TMEM131: variants seen among roughly 807,000 people sequenced by gnomAD.
The protein encoded by TMEM131 is 2610524E03Rik.
In TMEM131, 66 loss-of-function variants were observed where a neutral mutation model predicts 211.6. The observed-to-expected ratio is 0.31, with a 90% CI of 0.26 to 0.38. The LOEUF is 0.38. Ranked by LOEUF, TMEM131 falls within the 10% of genes least tolerant of loss-of-function variation. TMEM131 has a pLI of 1.00. For missense variants in TMEM131, 2,036 were observed against 2,299.3 expected, an observed-to-expected ratio of 0.89 and a Z score of 2.34; for synonymous variants, 844 against 841.3, an observed-to-expected ratio of 1.00 and a Z score of -0.06.
At chr2:97,903,408 G>T (rs1675937969) in intron 3 of TMEM131, among the ~76,000 whole-genome samples, 1 of 152,108 alleles carries the variant, frequency 6.6e-6, no homozygotes, top group Non-Finnish European at 1.5e-5. Context: ...AGAATTTTTA[G>T]AAAACCCAGC....
chr2:97,877,109 T>C (rs1309719457), intron 4 of TMEM131, among the ~76,000 whole-genome samples: 1 of 152,092 alleles, frequency 6.6e-6, no homozygotes, highest in East Asian at 1.9e-4. Flanking sequence ...TCACAATTGC[T>C]ACGAAGAGAA....
At chr2:97,826,310 C>T (rs1682378241) in intron 11 of TMEM131, among the ~76,000 whole-genome samples, 1 of 152,198 alleles carries the variant, frequency 6.6e-6, no homozygotes, top group South Asian at 2.1e-4. Flanking sequence ...TGTGTGTATA[C>T]AGATAGCAAG....
chr2:97,805,251 A>G (rs1389134136), intron 21 of TMEM131, 46 bp from the exon 22 acceptor site: 1 of 1,579,856 alleles, frequency 6.3e-7, no homozygotes, highest in Non-Finnish European at 8.6e-7. Context: ...CTCACTTGTC[A>G]ATTTTCCTTC....
At chr2:97,847,049 C>T (rs956746526) in intron 5 of TMEM131, among the ~76,000 whole-genome samples, 6 of 94,748 alleles carry the variant, frequency 6.3e-5, no homozygotes, top group South Asian at 3.7e-4. Flanking sequence ...TGTGATGGCG[C>T]GTGCCTGTAG....
In TMEM131 at chr2:97,766,240, T is replaced by C. The variant is rs1679159471; in HGVS notation, c.4597A>G (p.Arg1533Gly). The change falls in exon 35 of 41, where the codon AGA (arginine) becomes GGA (glycine). Residue 1533 changes from arginine (R) to glycine (G), a missense_variant. By Grantham distance (125) the Arg-to-Gly change is moderately radical (BLOSUM62 -2). Around this residue, in one of 3 missense-constraint regions of TMEM131, gnomAD observed 1,623 missense variants for 1,805.9 expected, o/e 0.90. Coordinates refer to ENST00000186436, the MANE Select transcript of TMEM131 (RefSeq NM_015348.2). ...AGGAATTTTGCTAGGGCAGGTGGTC[T>C]GTTATCCACTAACTTACTTGTACCT... ...TKGTSKLVDN[R>G]PPALAKFLPN... 2.5e-6 allele frequency: 4 copies of C among 1,613,964 alleles called. No homozygotes were observed. Among genetic ancestry groups the C allele is most frequent in the Non-Finnish European group, 2.5e-6 (3 of 1,179,914 alleles).
intron 31 of TMEM131, among the ~76,000 whole-genome samples, chr2:97,780,028 C>T (rs1317316680): frequency 6.6e-6 from 1 of 150,892 alleles, no homozygotes; most frequent in Non-Finnish European, 1.5e-5. Flanking sequence ...TCCAAAAAAA[C>T]AAAAACAAAA....
chr2:97,865,497 T>C (rs992664966), intron 4 of TMEM131, among the ~76,000 whole-genome samples: 1 of 152,228 alleles, frequency 6.6e-6, no homozygotes. Flanking sequence ...TGAAAGGATG[T>C]TATTATCTCA....
intron 1 of TMEM131, among the ~76,000 whole-genome samples, chr2:97,975,443 A>C (rs537264924): frequency 3.3e-5 from 5 of 152,306 alleles, no homozygotes; most frequent in African/African-American, 9.6e-5. Flanking sequence ...GAGAAGTGTC[A>C]TCATTACAGT....
chr2:97,962,503 CA>C (rs988681411), intron 1 of TMEM131, among the ~76,000 whole-genome samples: 1 of 150,282 alleles, frequency 6.7e-6, no homozygotes, highest in Non-Finnish European at 1.5e-5. Flanking sequence ...GACTCCGTCT[CA>C]AAAAAAAACT....
intron 4 of TMEM131, among the ~76,000 whole-genome samples, chr2:97,875,659 T>G (rs1360157092): frequency 6.6e-6 from 1 of 152,174 alleles, no homozygotes; most frequent in Non-Finnish European, 1.5e-5. Context: ...AAGATGTTCT[T>G]TGAAACCAAT....
At chr2:97,875,972 C>A (rs913884730) in intron 4 of TMEM131, among the ~76,000 whole-genome samples, 1 of 151,126 alleles carries the variant, frequency 6.6e-6, no homozygotes, top group African/African-American at 2.4e-5. Flanking sequence ...AGACCACTAG[C>A]CAGACTAATA....
At position 97,765,872 on chromosome 2, in the gene TMEM131, G is replaced by GA. The variant is rs373204097; in HGVS notation, c.4723+241dup. On this transcript the variant is annotated intron_variant, in intron 35 of 40. Coordinates refer to ENST00000186436, the MANE Select transcript of TMEM131 (RefSeq NM_015348.2). ...TGGTGTGCTAGTATACCAGCTCCCTGAAAAAAAAAAAGCCCTGATGTGAAT... is the reference window on the plus strand; with the variant it reads ...TGGTGTGCTAGTATACCAGCTCCCTGAAAAAAAAAAAAGCCCTGATGTGAAT... Among the ~76,000 whole-genome samples the GA allele has an allele frequency of 3.0e-4, 43 of 143,962 alleles. 1 individual carries two copies. Among genetic ancestry groups the GA allele is most frequent in the Admixed American group, 8.3e-4 (12 of 14,402 alleles). 94.4% of individuals were successfully genotyped at this position (143,962 alleles called of 152,430 possible).
chr2:97,974,399 G>C (rs1679439094), intron 1 of TMEM131, among the ~76,000 whole-genome samples: 1 of 150,260 alleles, frequency 6.7e-6, no homozygotes, highest in African/African-American at 2.4e-5. Context: ...ATGGGGTTGG[G>C]AGGAGGAGGA....
intron 1 of TMEM131, among the ~76,000 whole-genome samples, chr2:97,984,045 C>T (rs1679919711): frequency 6.6e-6 from 1 of 152,082 alleles, no homozygotes; most frequent in Admixed American, 6.6e-5. Flanking sequence ...CACACGGTAC[C>T]CCTCTGCCTA....
intron 1 of TMEM131, among the ~76,000 whole-genome samples, chr2:97,992,718 A>G (rs2104688414): frequency 6.6e-6 from 1 of 152,352 alleles, no homozygotes; most frequent in African/African-American, 2.4e-5. Flanking sequence ...CATTTAATAT[A>G]TACACATACA....
chr2:97,879,529 T>C (rs932180074), intron 4 of TMEM131, among the ~76,000 whole-genome samples: 1 of 152,220 alleles, frequency 6.6e-6, no homozygotes, highest in Non-Finnish European at 1.5e-5. Flanking sequence ...AATGGTACTG[T>C]AGTTATGCAG....
intron 1 of TMEM131, among the ~76,000 whole-genome samples, chr2:97,982,930 T>C (rs560489781): frequency 3.0e-4 from 45 of 152,308 alleles, no homozygotes; most frequent in African/African-American, 9.1e-4. Flanking sequence ...CCCAACACCC[T>C]TGTTGGAGGC....
rs1009269707 is a variant in TMEM131, at chr2:97,794,009, A to C, written c.3387-456T>G. On this transcript the variant is annotated intron_variant, in intron 29 of 40. Coordinates refer to ENST00000186436, the MANE Select transcript of TMEM131 (RefSeq NM_015348.2). ...ACTCTGTCTCAAAAAAAAAAAAAAAAAAAAAACAAAAAACCCACAGTTTTA... is the reference window on the plus strand; with the variant it reads ...ACTCTGTCTCAAAAAAAAAAAAAAACAAAAAACAAAAAACCCACAGTTTTA... Among the ~76,000 whole-genome samples, 35 of 149,814 alleles carry C rather than the reference A, an allele frequency of 2.3e-4. 1 individual carries two copies. Among genetic ancestry groups the C allele is most frequent in the East Asian group, 5.9e-4 (3 of 5,084 alleles).
intron 1 of TMEM131, among the ~76,000 whole-genome samples, chr2:97,956,163 T>C (rs1345854300): frequency 1.3e-5 from 2 of 152,206 alleles, no homozygotes; most frequent in Non-Finnish European, 2.9e-5. Context: ...ATGCACAGAC[T>C]AATGGAATAG....
Sources: allele counts gnomAD v4.1 joint callset (sites outside exome capture counted in the v4.1 genomes callset), GRCh38; gene constraint gnomAD v4.1.1; regional missense constraint gnomAD v4.1.1; transcripts MANE v1.5; gene names NCBI Gene and HGNC (gene_info 2026-07-23, HGNC 2026-07-21).